Variants in GALNT10 observed in about 807,000 individuals in gnomAD.
The protein encoded by GALNT10 is polypeptide N-acetylgalactosaminyltransferase 10, also known as GalNAc transferase 10.
GALNT10 carries 41 observed loss-of-function variants against 75.0 expected under a neutral mutation model. That is an observed-to-expected ratio of 0.55 (90% CI 0.43 to 0.71). The LOEUF is 0.71. Among genes scored for constraint, GALNT10 ranks in the 30% least tolerant of loss-of-function variants. GALNT10 has a pLI of 0.00. For synonymous variants in GALNT10, 302 were observed against 313.0 expected (o/e 0.96, Z 0.37); for missense variants, 727 against 818.5 (o/e 0.89, Z 1.36).
At chr5:154,356,336 A>G in intron 4 of GALNT10, 1 of 402,066 alleles carries the variant, frequency 2.5e-6, no homozygotes. Context: ...TTTTGGGGAA[A>G]GCAAGGAGAC....
chr5:154,262,247 C>T (rs1419849757), intron 1 of GALNT10, among the ~76,000 whole-genome samples: 3 of 141,794 alleles, frequency 2.1e-5, no homozygotes. Context: ...GTTGATTTAC[C>T]TGCCTGGCAT....
intron 1 of GALNT10, among the ~76,000 whole-genome samples, chr5:154,238,296 T>TA (rs35232140): frequency 0.036 from 5,189 of 145,302 alleles, 250 homozygotes; most frequent in African/African-American, 0.12. Flanking sequence ...TTTTAAATGT[T>TA]AAAAAAAAAA....
At chr5:154,391,913 C>A (rs1470121501) in intron 7 of GALNT10, among the ~76,000 whole-genome samples, 4 of 152,172 alleles carry the variant, frequency 2.6e-5, no homozygotes, top group African/African-American at 9.7e-5. Flanking sequence ...CAGGTTGAGT[C>A]TCATTGGCCT....
chr5:154,335,796 G>A (rs1754937644), intron 4 of GALNT10, among the ~76,000 whole-genome samples: 1 of 152,142 alleles, frequency 6.6e-6, no homozygotes, highest in Admixed American at 6.5e-5. Flanking sequence ...TGGTACATTT[G>A]TTACAATCCC....
intron 1 of GALNT10, among the ~76,000 whole-genome samples, chr5:154,238,607 G>A (rs976517846): frequency 3.3e-5 from 5 of 152,150 alleles, no homozygotes; most frequent in Non-Finnish European, 7.3e-5. Flanking sequence ...AGTGTCTGCG[G>A]TGCTTCGAAG....
intron 1 of GALNT10, among the ~76,000 whole-genome samples, chr5:154,208,611 C>T (rs1227619918): frequency 2.0e-5 from 3 of 152,138 alleles, no homozygotes. Context: ...AAAAGTGGTA[C>T]ATAGATACCC....
chr5:154,383,007 C>T (rs1279534149), intron 6 of GALNT10, among the ~76,000 whole-genome samples: 1 of 152,218 alleles, frequency 6.6e-6, no homozygotes, highest in Non-Finnish European at 1.5e-5. Flanking sequence ...AAAGGCTTCC[C>T]TCAAGAGCAG....
intron 1 of GALNT10, among the ~76,000 whole-genome samples, chr5:154,285,897 T>C (rs1194995364): frequency 6.6e-6 from 1 of 152,202 alleles, no homozygotes; most frequent in East Asian, 1.9e-4. Flanking sequence ...CACACACTGC[T>C]CTTCCAGGCC....
Position 154,402,552 on chromosome 5 carries a change from C to A in GALNT10, c.1057-1552C>A, listed in dbSNP as rs1276596184. Among the ~76,000 whole-genome samples, 1 of 152,208 alleles carries A rather than the reference C, an allele frequency of 6.6e-6. No homozygotes were observed. The highest frequency in any genetic ancestry group is 6.5e-5 in the Admixed American group (1 of 15,286). On this transcript the variant is annotated intron_variant, in intron 7 of 11. Transcript: ENST00000297107. The surrounding 1 kb of genome is among the most constrained non-coding windows in gnomAD (Gnocchi z 4.2). ...ATTACCCCCAGAATCCATCTTAACACAATACACAGTTATGATGGCAGCGCT... is the reference window on the plus strand; with the variant it reads ...ATTACCCCCAGAATCCATCTTAACAAAATACACAGTTATGATGGCAGCGCT...
At chr5:154,211,363 G>A (rs1205365465) in intron 1 of GALNT10, among the ~76,000 whole-genome samples, 1 of 152,154 alleles carries the variant, frequency 6.6e-6, no homozygotes, top group African/African-American at 2.4e-5. Flanking sequence ...TTTTCCCTTG[G>A]TGATTTTTGA....
At chr5:154,391,605 C>CT (rs772978596) in intron 7 of GALNT10, among the ~76,000 whole-genome samples, 1 of 152,212 alleles carries the variant, frequency 6.6e-6, no homozygotes, top group Non-Finnish European at 1.5e-5. Context: ...CTCCTTTCCC[C>CT]TTTTCCTCTT....
intron 1 of GALNT10, among the ~76,000 whole-genome samples, chr5:154,249,885 A>C (rs1424685046): frequency 6.6e-6 from 1 of 152,154 alleles, no homozygotes; most frequent in East Asian, 1.9e-4. Context: ...CTTGGCCTTC[A>C]GGGGCATATA....
intron 7 of GALNT10, among the ~76,000 whole-genome samples, chr5:154,391,337 G>T (rs150235389): frequency 6.6e-6 from 1 of 152,282 alleles, no homozygotes; most frequent in East Asian, 1.9e-4. Flanking sequence ...CAATCAACAC[G>T]TACCTTCAGG....
intron 4 of GALNT10, among the ~76,000 whole-genome samples, chr5:154,346,674 A>G (rs538329980): frequency 6.6e-6 from 1 of 152,286 alleles, no homozygotes; most frequent in Admixed American, 6.5e-5. Flanking sequence ...CAACTCTCCT[A>G]TAGGTAGTAC....
At chr5:154,414,402 A>G (rs957283933) in intron 10 of GALNT10, among the ~76,000 whole-genome samples, 3 of 152,236 alleles carry the variant, frequency 2.0e-5, no homozygotes, top group Admixed American at 2.0e-4. Flanking sequence ...AGCAATAACA[A>G]GCGATGAATT....
Position 154,376,234 on chromosome 5 carries a change from CT to C in GALNT10, c.569-42del. 7.6e-7 allele frequency: 1 copy of C among 1,321,184 alleles called. No individual in the cohort carries two copies. Among genetic ancestry groups the C allele is most frequent in the Non-Finnish European group, 1.1e-6 (1 of 923,422 alleles). 81.8% of individuals were successfully genotyped at this position (1,321,184 alleles called of 1,614,324 possible). A position where few individuals can be genotyped will look rare whatever the true frequency, so the allele number is the denominator to read the frequency against. ...AAGGGAGGAGTCATAAGGATGACTA[CT>C]AAGCAACTGTTCTCACTCTTCTGTC... is the stretch of plus-strand genomic sequence containing the variant. On this transcript the variant is annotated intron_variant, in intron 4 of 11. Transcript: ENST00000297107. The surrounding 1 kb of genome is among the most constrained non-coding windows in gnomAD (Gnocchi z 4.1).
At chr5:154,397,714 C>G (rs1756076417) in intron 7 of GALNT10, among the ~76,000 whole-genome samples, 3 of 152,242 alleles carry the variant, frequency 2.0e-5, no homozygotes, top group Admixed American at 2.0e-4. Flanking sequence ...GGGTCCTCAG[C>G]TGAGATGCCA....
At chr5:154,415,364 G>C (rs1440199254) in intron 10 of GALNT10, among the ~76,000 whole-genome samples, 2 of 151,780 alleles carry the variant, frequency 1.3e-5, no homozygotes, top group Non-Finnish European at 2.9e-5. Flanking sequence ...TTGAGACAGA[G>C]TCTCACTCTG....
At chr5:154,212,912 G>A (rs2113649512) in intron 1 of GALNT10, among the ~76,000 whole-genome samples, 1 of 150,790 alleles carries the variant, frequency 6.6e-6, no homozygotes. Flanking sequence ...AGCTTGCAGT[G>A]AGCGGAGATC....
Sources: allele counts gnomAD v4.1 joint callset (sites outside exome capture counted in the v4.1 genomes callset), GRCh38; gene constraint gnomAD v4.1.1; non-coding constraint Gnocchi (gnomAD v3.1); transcripts MANE v1.5; gene names NCBI Gene and HGNC (gene_info 2026-07-23, HGNC 2026-07-21).